The following NCKAP5 variants were observed in gnomAD, a reference collection of about 807,000 sequenced individuals.
The protein encoded by NCKAP5 is nck-associated protein 5.
In NCKAP5, 92 loss-of-function variants were observed where a neutral mutation model predicts 167.0. The ratio of observed to expected loss-of-function variants is 0.55; its 90% CI spans 0.47 to 0.66. NCKAP5 has a LOEUF of 0.66. Among genes scored for constraint, NCKAP5 ranks in the 30% least tolerant of loss-of-function variants. The probability of loss-of-function intolerance (pLI) is 0.00; values close to 1 mark genes in which losing one functional copy is unlikely to be tolerated. For missense variants in NCKAP5, 2,378 were observed against 2,315.0 expected, an observed-to-expected ratio of 1.03 and a Z score of -0.56; for synonymous variants, 891 against 877.4, an observed-to-expected ratio of 1.02 and a Z score of -0.27.
intron 8 of NCKAP5, among the ~76,000 whole-genome samples, chr2:132,940,793 GA>G (rs1002518157): frequency 8.2e-5 from 12 of 146,992 alleles, no homozygotes; most frequent in African/African-American, 1.2e-4. Context: ...ATCCCATAAA[GA>G]AAAAAAAAAG....
chr2:132,699,193 C>CT (rs1398959972), intron 19 of NCKAP5, among the ~76,000 whole-genome samples: 1 of 152,168 alleles, frequency 6.6e-6, no homozygotes, highest in African/African-American at 2.4e-5. Flanking sequence ...TGCACTCTCT[C>CT]TTTATGGATG....
chr2:133,265,860 T>C (rs1259847378), intron 4 of NCKAP5, among the ~76,000 whole-genome samples: 1 of 152,046 alleles, frequency 6.6e-6, no homozygotes, highest in Non-Finnish European at 1.5e-5. Flanking sequence ...CCAAACCCAA[T>C]GGCCTCCCGG....
At chr2:133,590,140 C>T in the NCKAP5 span, among the ~76,000 whole-genome samples, 10 of 152,280 alleles carry the variant, frequency 6.6e-5, no homozygotes, top group African/African-American at 2.4e-4. Flanking sequence ...CTGGACCTGC[C>T]TAACGAGTCA....
At chr2:133,575,878 G>T in the NCKAP5 span, among the ~76,000 whole-genome samples, 1 of 152,206 alleles carries the variant, frequency 6.6e-6, no homozygotes, top group Middle Eastern at 3.4e-3. Context: ...ATCTCTTAAC[G>T]ATAAACATGG....
chr2:132,955,994 A>AT (rs750392638), intron 8 of NCKAP5, among the ~76,000 whole-genome samples: 8 of 152,138 alleles, frequency 5.3e-5, no homozygotes, highest in Non-Finnish European at 1.2e-4. Flanking sequence ...TACAGAGGCT[A>AT]TGGGGGTGTG....
At chr2:132,766,701 A>T (rs572896451) in intron 16 of NCKAP5, among the ~76,000 whole-genome samples, 33 of 152,290 alleles carry the variant, frequency 2.2e-4, no homozygotes, top group African/African-American at 7.0e-4. Context: ...TTGATTCAAG[A>T]GCCTTTGAGA....
chr2:133,310,954 C>T (rs1178309958), intron 3 of NCKAP5, among the ~76,000 whole-genome samples: 1 of 152,216 alleles, frequency 6.6e-6, no homozygotes, highest in African/African-American at 2.4e-5. Flanking sequence ...TCATACACCA[C>T]TCAATGTGAT....
intron 3 of NCKAP5, among the ~76,000 whole-genome samples, chr2:133,312,250 T>C (rs138865057): frequency 1.4e-4 from 22 of 152,316 alleles, no homozygotes; most frequent in African/African-American, 5.3e-4. Flanking sequence ...CCTCGTGACC[T>C]GTTATTTGGT....
chr2:133,277,048 C>A (rs1342457659), intron 4 of NCKAP5, among the ~76,000 whole-genome samples: 1 of 152,138 alleles, frequency 6.6e-6, no homozygotes, highest in Non-Finnish European at 1.5e-5. Flanking sequence ...TAAAACATAT[C>A]ATGCACACAT....
Position 132,743,073 on chromosome 2 carries a change from T to G in NCKAP5, c.5129-11022A>C, listed in dbSNP as rs565466668. On this transcript the variant is annotated intron_variant, in intron 16 of 19. Coordinates refer to ENST00000409261, the MANE Select transcript of NCKAP5 (RefSeq NM_207363.3). ...ATTGTTACAGAAACACATGTGCACA[T>G]GCACACACACACACACACAATTGCA... Among the ~76,000 whole-genome samples, 80 of 88,258 alleles carry G rather than the reference T, an allele frequency of 9.1e-4. 1 individual carries two copies. Among genetic ancestry groups the G allele is most frequent in the African/African-American group, 6.4e-3 (78 of 12,196 alleles). The allele number at this position is 88,258 out of a possible 152,430, so 57.9% of individuals were successfully genotyped here. A position where few individuals can be genotyped will look rare whatever the true frequency, so the allele number is the denominator to read the frequency against.
intron 6 of NCKAP5, among the ~76,000 whole-genome samples, chr2:133,095,578 C>A (rs1275978833): frequency 2.0e-5 from 3 of 152,206 alleles, no homozygotes; most frequent in Non-Finnish European, 4.4e-5. Context: ...AGCCCCCAGC[C>A]AAGCTTCAGA....
intron 4 of NCKAP5, among the ~76,000 whole-genome samples, chr2:133,289,999 A>T (rs1255650983): frequency 6.6e-6 from 1 of 152,220 alleles, no homozygotes; most frequent in Non-Finnish European, 1.5e-5. Flanking sequence ...TTCATGATCC[A>T]GTCACCTCCC....
chr2:132,870,588 C>T (rs1203476521), intron 9 of NCKAP5, among the ~76,000 whole-genome samples: 1 of 151,980 alleles, frequency 6.6e-6, no homozygotes, highest in African/African-American at 2.4e-5. Flanking sequence ...AATTATAACA[C>T]AGTGTGACAA....
At chr2:133,016,144 T>C (rs889651904) in intron 6 of NCKAP5, among the ~76,000 whole-genome samples, 1 of 152,122 alleles carries the variant, frequency 6.6e-6, no homozygotes, top group Non-Finnish European at 1.5e-5. Context: ...AAAATTCAGA[T>C]GACAGTAAAA....
intron 5 of NCKAP5, among the ~76,000 whole-genome samples, chr2:133,156,187 T>G (rs2083571070): frequency 6.6e-6 from 1 of 152,172 alleles, no homozygotes; most frequent in Admixed American, 6.5e-5. Flanking sequence ...CAATGCACCT[T>G]AAATTAGAGG....
intron 3 of NCKAP5, among the ~76,000 whole-genome samples, chr2:133,381,176 C>T (rs779279124): frequency 1.3e-5 from 2 of 152,068 alleles, no homozygotes; most frequent in African/African-American, 2.4e-5. Context: ...ACGAGGATGA[C>T]AAGGCATGGC....
intron 2 of NCKAP5, among the ~76,000 whole-genome samples, chr2:133,529,311 T>C (rs1053968828): frequency 2.6e-5 from 4 of 152,318 alleles, no homozygotes; most frequent in African/African-American, 9.6e-5. Flanking sequence ...TGTTTACCTA[T>C]ATACATATAT....
At chr2:133,396,183 A>C (rs922258510) in intron 3 of NCKAP5, among the ~76,000 whole-genome samples, 1 of 152,100 alleles carries the variant, frequency 6.6e-6, no homozygotes, top group African/African-American at 2.4e-5. Flanking sequence ...TGTCCATTCA[A>C]ATGAAAGGTA....
At chr2:132,875,183 C>T (rs1191263423) in intron 9 of NCKAP5, among the ~76,000 whole-genome samples, 1 of 152,104 alleles carries the variant, frequency 6.6e-6, no homozygotes, top group Non-Finnish European at 1.5e-5. Flanking sequence ...CACCCAAGAG[C>T]AGAGTCAGAT....
Sources: allele counts gnomAD v4.1 joint callset (sites outside exome capture counted in the v4.1 genomes callset), GRCh38; gene constraint gnomAD v4.1.1; transcripts MANE v1.5; gene names NCBI Gene and HGNC (gene_info 2026-07-23, HGNC 2026-07-21).